KCNH5: variants seen among roughly 807,000 people sequenced by gnomAD.
The protein encoded by KCNH5 is voltage-gated delayed rectifier potassium channel KCNH5.
Under a neutral mutation model 96.1 loss-of-function variants are expected in KCNH5, and 46 were observed. The observed-to-expected ratio is 0.48, with a 90% CI of 0.38 to 0.61. KCNH5 has a LOEUF of 0.61. Ranked by LOEUF, KCNH5 falls within the 20% of genes least tolerant of loss-of-function variation. The pLI, the probability that KCNH5 is intolerant of heterozygous loss-of-function variation, is 0.00. For synonymous variants in KCNH5, 439 were observed against 449.8 expected, an observed-to-expected ratio of 0.98 and a Z score of 0.30; for missense variants, 907 against 1,225.8, an observed-to-expected ratio of 0.74 and a Z score of 3.88.
At chr14:62,969,006 C>T (rs1890354517) in intron 6 of KCNH5, among the ~76,000 whole-genome samples, 1 of 152,102 alleles carries the variant, frequency 6.6e-6, no homozygotes. Flanking sequence ...AAATGATTTT[C>T]AAATTGTTAT....
At chr14:62,957,371 T>C (rs1409300380) in intron 6 of KCNH5, among the ~76,000 whole-genome samples, 4 of 152,216 alleles carry the variant, frequency 2.6e-5, no homozygotes, top group Admixed American at 1.3e-4. Context: ...CAAGGACACG[T>C]TGCAATTAAG....
intron 8 of KCNH5, among the ~76,000 whole-genome samples, chr14:62,828,280 T>C (rs1359736706): frequency 6.6e-6 from 1 of 152,134 alleles, no homozygotes; most frequent in Non-Finnish European, 1.5e-5. Flanking sequence ...GGTTGAAAAG[T>C]CTGATTTTTA....
intron 7 of KCNH5, among the ~76,000 whole-genome samples, chr14:62,918,506 T>A (rs1204766923): frequency 3.3e-5 from 5 of 152,100 alleles, no homozygotes; most frequent in African/African-American, 9.7e-5. Context: ...CGCTAATATG[T>A]TTTTTAAAAA....
At chr14:62,719,289 C>A (rs376719830) in intron 10 of KCNH5, among the ~76,000 whole-genome samples, 2 of 152,312 alleles carry the variant, frequency 1.3e-5, no homozygotes, top group South Asian at 2.1e-4. Flanking sequence ...GAACATTACA[C>A]CAAAAGCAGG....
chr14:62,949,800 C>CTT (rs10523496), intron 7 of KCNH5: 180 of 168,288 alleles, frequency 1.1e-3, no homozygotes, highest in Middle Eastern at 3.0e-3. Flanking sequence ...GATCCTATCT[C>CTT]TTTTTTTTTT....
At chr14:62,800,615 T>A (rs1300057246) in intron 9 of KCNH5, among the ~76,000 whole-genome samples, 6 of 152,140 alleles carry the variant, frequency 3.9e-5, no homozygotes, top group Non-Finnish European at 8.8e-5. Context: ...CATTTGATAT[T>A]TTTTTCCTAC....
At chr14:62,755,145 C>A (rs536934803) in intron 10 of KCNH5, among the ~76,000 whole-genome samples, 4 of 151,470 alleles carry the variant, frequency 2.6e-5, no homozygotes, top group Non-Finnish European at 4.4e-5. Context: ...AACAATTCAA[C>A]AAATCAATGA....
intron 7 of KCNH5, among the ~76,000 whole-genome samples, chr14:62,861,671 C>T (rs1475070942): frequency 6.7e-6 from 1 of 148,418 alleles, no homozygotes; most frequent in Admixed American, 6.9e-5. Context: ...CACACACACA[C>T]ACACGGTATA....
intron 7 of KCNH5, among the ~76,000 whole-genome samples, chr14:62,935,748 A>G (rs1180784107): frequency 6.6e-6 from 1 of 152,166 alleles, no homozygotes; most frequent in Non-Finnish European, 1.5e-5. Flanking sequence ...TGGTACAGAG[A>G]TGAGGAACTT....
intron 4 of KCNH5, among the ~76,000 whole-genome samples, chr14:62,993,653 A>G (rs977619457): frequency 5.9e-5 from 9 of 152,010 alleles, no homozygotes; most frequent in African/African-American, 2.2e-4. Flanking sequence ...ACCTATTATT[A>G]CCTATATTAG....
At chr14:62,956,164 C>T (rs1387543350) in intron 6 of KCNH5, among the ~76,000 whole-genome samples, 5 of 152,188 alleles carry the variant, frequency 3.3e-5, no homozygotes, top group Non-Finnish European at 5.9e-5. Flanking sequence ...GGTCATTTCC[C>T]TCTATGCCTC....
At chr14:62,776,092 C>T (rs939902653) in intron 10 of KCNH5, among the ~76,000 whole-genome samples, 2 of 152,056 alleles carry the variant, frequency 1.3e-5, no homozygotes, top group African/African-American at 4.8e-5. Flanking sequence ...CATGGTGAAA[C>T]CCTGTCTCTA....
intron 7 of KCNH5, among the ~76,000 whole-genome samples, chr14:62,864,488 T>G (rs1566686621): frequency 6.6e-6 from 1 of 152,126 alleles, no homozygotes; most frequent in Non-Finnish European, 1.5e-5. Context: ...GATAGTGAAT[T>G]TTGCAAATTA....
rs145521909 is a variant in KCNH5, at chr14:62,897,540, A to G, written c.1370-47688T>C. ...ATGCTGGAATATGGGGGGAAAAAAA[A>G]CTGCACGGATAAAGAGAAAGGAGAA... On this transcript the variant is annotated intron_variant, in intron 7 of 10. Coordinates refer to ENST00000322893, the MANE Select transcript of KCNH5 (RefSeq NM_139318.5). Among the ~76,000 whole-genome samples the G allele has an allele frequency of 6.6e-5, 10 of 152,272 alleles. No homozygotes were observed. In the East Asian group the frequency reaches 1.9e-3, roughly 29 times the overall value.
intron 10 of KCNH5, among the ~76,000 whole-genome samples, chr14:62,718,963 C>T (rs2139911132): frequency 6.6e-6 from 1 of 152,236 alleles, no homozygotes; most frequent in Middle Eastern, 3.4e-3. Context: ...AAAGGGGCCA[C>T]ATCTTAAATG....
At position 62,878,200 on chromosome 14, in the gene KCNH5, A is replaced by AT. The variant is rs1393577888; in HGVS notation, c.1370-28349dup. Among the ~76,000 whole-genome samples the AT allele has an allele frequency of 3.5e-3, 90 of 25,556 alleles. No individual in the cohort carries two copies. In the East Asian group the frequency reaches 0.075, roughly 21 times the overall value. 16.8% of individuals were successfully genotyped at this position (25,556 alleles called of 152,430 possible). A position where few individuals can be genotyped will look rare whatever the true frequency, so the allele number is the denominator to read the frequency against. On this transcript the variant is annotated intron_variant, in intron 7 of 10. Coordinates refer to ENST00000322893, the MANE Select transcript of KCNH5 (RefSeq NM_139318.5). ...TCACACTCTGGGGACTGTTGTGGGG[A>AT]TGGGGGGGGGGGCGGAGGGATAGCA... is the stretch of plus-strand genomic sequence containing the variant.
intron 1 of KCNH5, among the ~76,000 whole-genome samples, chr14:63,027,235 CAGTT>C (rs1891540622): frequency 6.6e-6 from 1 of 151,870 alleles, no homozygotes; most frequent in South Asian, 2.1e-4. Context: ...ACAAAAATTT[CAGTT>C]AGACAGAAGG....
chr14:63,003,624 AT>A (rs775227561), intron 3 of KCNH5, among the ~76,000 whole-genome samples: 108 of 92,810 alleles, frequency 1.2e-3, no homozygotes, highest in African/African-American at 3.5e-3. Flanking sequence ...ATATATATAT[AT>A]TTTTTTTTTT....
At chr14:63,031,714 T>C (rs1891629815) in intron 1 of KCNH5, among the ~76,000 whole-genome samples, 1 of 152,186 alleles carries the variant, frequency 6.6e-6, no homozygotes, top group Admixed American at 6.5e-5. Context: ...TTACTAATAT[T>C]GTATTGTATG....
Sources: gnomAD v4.1 joint callset for allele counts (sites outside exome capture counted in the v4.1 genomes callset) on GRCh38, gnomAD v4.1.1 for gene constraint, MANE v1.5 for transcripts, NCBI Gene and HGNC (gene_info 2026-07-23, HGNC 2026-07-21) for gene names.